CBX1: variants seen among roughly 807,000 people sequenced by gnomAD.
CBX1 encodes the protein chromobox 1, also known as chromobox protein homolog 1.
A neutral mutation model predicts 25.1 loss-of-function variants in CBX1; 10 were observed. The ratio of observed to expected loss-of-function variants is 0.40; its 90% CI spans 0.25 to 0.68. The LOEUF (loss-of-function observed/expected upper bound fraction) is 0.68, where lower values mean the gene tolerates loss of function less well. CBX1 is among the 30% of genes least tolerant of loss of function. CBX1 has a pLI of 0.40. For synonymous variants in CBX1, 63 were observed against 79.4 expected (o/e 0.79, Z 1.10); for missense variants, 106 against 218.5 (o/e 0.49, Z 3.25).
intron 1 of CBX1, among the ~76,000 whole-genome samples, chr17:48,084,814 G>A (rs2063302726): frequency 6.7e-6 from 1 of 149,916 alleles, no homozygotes; most frequent in Non-Finnish European, 1.5e-5. Context: ...GGAGGCTGAG[G>A]CAGGAGAATG....
intron 2 of CBX1, 25 bp downstream of exon 2, chr17:48,076,839 CA>C: frequency 6.2e-7 from 1 of 1,600,306 alleles, no homozygotes; most frequent in Non-Finnish European, 8.5e-7. Flanking sequence ...GTGGTGGCTA[CA>C]TTTACCTGTG....
intron 1 of CBX1, among the ~76,000 whole-genome samples, chr17:48,096,782 AG>A (rs2063377663): frequency 6.6e-6 from 1 of 151,864 alleles, no homozygotes; most frequent in African/African-American, 2.4e-5. Context: ...GTCTAAAAAA[AG>A]AAAAGAAAAA....
In CBX1 at chr17:48,097,252, CT is replaced by C. The variant is rs1414424615; in HGVS notation, c.-38+4015del. Among the ~76,000 whole-genome samples the C allele has an allele frequency of 1.0e-4, 15 of 146,466 alleles. No homozygotes were observed. The Admixed American group carries it at 1.0e-3, about 10-fold the overall frequency. On this transcript the variant is annotated intron_variant, in intron 1 of 4. Transcript: ENST00000225603. ...CTGGGCAACAAGAGCGAAACTCCGT[CT>C]CAAAAAAAGAAAAAAAAACGCCACC... is the stretch of plus-strand genomic sequence containing the variant.
rs2144483974 is a variant in CBX1, at chr17:48,101,383, C to A, written c.-153G>T. 1.0e-6 allele frequency: 1 copy of A among 985,744 alleles called. No homozygotes were observed. The allele number at this position is 985,744 out of a possible 1,614,324, so 61.1% of individuals were successfully genotyped here. On this transcript the variant is annotated 5_prime_UTR_variant, in exon 1 of 5. Coordinates refer to ENST00000225603, the MANE Select transcript of CBX1 (RefSeq NM_001127228.2). ...GCAGCAAGCCGGGTGGCCGCAGTGG[C>A]GTCCCTCACTGAAGCGGCGTACCGC...
intron 1 of CBX1, chr17:48,096,503 G>A (rs2063375718): frequency 2.7e-6 from 1 of 371,654 alleles, no homozygotes; most frequent in Non-Finnish European, 3.7e-6. Flanking sequence ...CAGGCATGGT[G>A]GCTCACACCT....
At chr17:48,100,673 A>T (rs1046855156) in intron 1 of CBX1, 1 of 957,464 alleles carries the variant, frequency 1.0e-6, no homozygotes, top group East Asian at 1.1e-4. Flanking sequence ...TTCCAGAGTC[A>T]GGCCCAGCAA....
intron 1 of CBX1, among the ~76,000 whole-genome samples, chr17:48,079,955 C>T (rs1314769403): frequency 1.3e-5 from 2 of 152,172 alleles, no homozygotes; most frequent in African/African-American, 2.4e-5. Flanking sequence ...TAAAATACAT[C>T]ATCAAGCTAG....
intron 1 of CBX1, among the ~76,000 whole-genome samples, chr17:48,085,207 T>TACC (rs561961350): frequency 6.6e-6 from 1 of 152,256 alleles, no homozygotes; most frequent in South Asian, 2.1e-4. Flanking sequence ...TACAAAGTGC[T>TACC]ACCACATTAT....
At chr17:48,076,225 T>G in intron 2 of CBX1, 47 bp from the exon 3 acceptor site, 1 of 1,387,334 alleles carries the variant, frequency 7.2e-7, no homozygotes. Context: ...CAAATAAGTA[T>G]ACTCATACTA....
intron 1 of CBX1, among the ~76,000 whole-genome samples, chr17:48,098,318 A>T (rs1567771530): frequency 6.6e-6 from 1 of 152,182 alleles, no homozygotes; most frequent in Non-Finnish European, 1.5e-5. Context: ...AACATGGCAA[A>T]GCAACAGCTT....
chr17:48,072,048 G>C (rs1362070691), intron 4 of CBX1, among the ~76,000 whole-genome samples: 1 of 148,970 alleles, frequency 6.7e-6, no homozygotes, highest in Non-Finnish European at 1.5e-5. Context: ...CCAGCCTGGA[G>C]TGCAGTGGCA....
At chr17:48,090,446 T>C (rs376984538) in intron 1 of CBX1, among the ~76,000 whole-genome samples, 3 of 152,306 alleles carry the variant, frequency 2.0e-5, no homozygotes, top group East Asian at 3.9e-4. Context: ...TCATCCTCCA[T>C]ATCCAGTCTC....
At chr17:48,082,057 C>G (rs2037743171) in intron 1 of CBX1, among the ~76,000 whole-genome samples, 1 of 152,086 alleles carries the variant, frequency 6.6e-6, no homozygotes, top group South Asian at 2.1e-4. Flanking sequence ...TTGAGACCAG[C>G]CTGGGCAACG....
chr17:48,093,070 CAAAAA>C (rs748778471), intron 1 of CBX1, among the ~76,000 whole-genome samples: 53 of 8,744 alleles, frequency 6.1e-3, no homozygotes, highest in African/African-American at 0.02. Flanking sequence ...AACTCTGTCT[CAAAAA>C]AAAAAAAAAA....
intron 1 of CBX1, among the ~76,000 whole-genome samples, chr17:48,091,617 C>T (rs921068236): frequency 2.7e-5 from 4 of 150,610 alleles, no homozygotes; most frequent in Admixed American, 6.7e-5. Flanking sequence ...CTTGGCTCAC[C>T]GCAACTTCTG....
Position 48,071,480 on chromosome 17 carries a change from A to G in CBX1, c.513T>C (p.His171=), listed in dbSNP as rs751683405. Residue 171 remains histidine (H), a synonymous_variant, in exon 5 of 5, where the codon CAT becomes CAC. Transcript: ENST00000225603. ...ISFYEERLTW[H]SYPSEDDDKK... is the part of the protein sequence containing the mutation. Reference sequence around the variant, plus strand: ...TGTCATCATCCTCCGAGGGGTAGGAATGCCACGTCAGCCTTTCCTCATAGA... The same window carrying G: ...TGTCATCATCCTCCGAGGGGTAGGAGTGCCACGTCAGCCTTTCCTCATAGA... 6.2e-7 allele frequency: 1 copy of G among 1,613,384 alleles called. No individual in the cohort carries two copies. Among genetic ancestry groups the G allele is most frequent in the Non-Finnish European group, 8.5e-7 (1 of 1,179,704 alleles).
intron 1 of CBX1, among the ~76,000 whole-genome samples, chr17:48,098,260 A>AAAACAAAC (rs57937836): frequency 7.2e-4 from 109 of 150,736 alleles, no homozygotes; most frequent in African/African-American, 2.2e-3. Flanking sequence ...AAAAAAACAA[A>AAAACAAAC]AAACAAACAA....
At chr17:48,076,225 T>C (rs1016734010) in intron 2 of CBX1, 47 bp from the exon 3 acceptor site, 10 of 1,387,216 alleles carry the variant, frequency 7.2e-6, no homozygotes, top group African/African-American at 1.4e-5. Context: ...CAAATAAGTA[T>C]ACTCATACTA....
chr17:48,092,805 TCAGGCCTGTAATCC>T (rs1429308536), intron 1 of CBX1, among the ~76,000 whole-genome samples: 1 of 151,902 alleles, frequency 6.6e-6, no homozygotes, highest in Non-Finnish European at 1.5e-5. Flanking sequence ...GCATGGTGGC[TCAGGCCTGTAATCC>T]CAGCACTTTG....
Sources: gnomAD v4.1 joint callset for allele counts (sites outside exome capture counted in the v4.1 genomes callset) on GRCh38, gnomAD v4.1.1 for gene constraint, MANE v1.5 for transcripts, NCBI Gene and HGNC (gene_info 2026-07-23, HGNC 2026-07-21) for gene names.